The following MYPN variants were observed in gnomAD, a reference collection of about 807,000 sequenced individuals.
MYPN encodes the protein sarcomeric protein myopalladin, 145 kDa (MYOP).
In MYPN, 63 loss-of-function variants were observed where a neutral mutation model predicts 129.4. The ratio of observed to expected loss-of-function variants is 0.49; its 90% CI spans 0.40 to 0.60. The LOEUF is 0.60. Among genes scored for constraint, MYPN ranks in the 20% least tolerant of loss-of-function variants. The pLI is 0.00. For synonymous variants in MYPN, 629 were observed against 600.9 expected, an observed-to-expected ratio of 1.05 and a Z score of -0.68; for missense variants, 1,596 against 1,635.4, an observed-to-expected ratio of 0.98 and a Z score of 0.42.
chr10:68,099,540 T>C (rs2041972391), intron 1 of MYPN, among the ~76,000 whole-genome samples: 1 of 151,840 alleles, frequency 6.6e-6, no homozygotes, highest in Non-Finnish European at 1.5e-5. Context: ...CTCAGGAGGC[T>C]AAGACATGAG....
chr10:68,180,631 G>T (rs2043300063), intron 12 of MYPN, among the ~76,000 whole-genome samples: 1 of 152,218 alleles, frequency 6.6e-6, no homozygotes, highest in East Asian at 1.9e-4. Flanking sequence ...CTTTGAGCAG[G>T]TCTTCTAGCT....
chr10:68,171,155 A>AAAAG (rs901675458), intron 10 of MYPN, among the ~76,000 whole-genome samples: 12 of 151,514 alleles, frequency 7.9e-5, no homozygotes, highest in African/African-American at 2.9e-4. Context: ...TCAAAAAAAA[A>AAAAG]AAAGAAAGAA....
chr10:68,165,176 G>A (rs2134163695), intron 8 of MYPN, among the ~76,000 whole-genome samples: 1 of 151,842 alleles, frequency 6.6e-6, no homozygotes, highest in East Asian at 2.0e-4. Context: ...TGTCAGGCCG[G>A]GCATGGGGGC....
intron 16 of MYPN, among the ~76,000 whole-genome samples, chr10:68,197,744 C>G (rs934096206): frequency 1.3e-5 from 2 of 151,934 alleles, no homozygotes; most frequent in African/African-American, 4.8e-5. Flanking sequence ...AGAAGACAAC[C>G]AAAGAGGTGA....
At chr10:68,088,884 C>T (rs2041918395) in intron 1 of MYPN, among the ~76,000 whole-genome samples, 1 of 152,176 alleles carries the variant, frequency 6.6e-6, no homozygotes, top group Admixed American at 6.5e-5. Context: ...CCCCTCATAT[C>T]CAATAGCAGT....
At chr10:68,122,404 T>C in intron 2 of MYPN, 64 bp downstream of exon 2, 1 of 1,547,484 alleles carries the variant, frequency 6.5e-7, no homozygotes, top group Non-Finnish European at 8.9e-7. Context: ...CCCTCCCAAG[T>C]ATTATCATTT....
chr10:68,123,896 A>G (rs2042288808), intron 2 of MYPN, among the ~76,000 whole-genome samples: 1 of 152,086 alleles, frequency 6.6e-6, no homozygotes. Flanking sequence ...AAAGAAACCC[A>G]AATAATAGCA....
chr10:68,169,207 A>AAAAAAAAT (rs1375198075), intron 10 of MYPN, among the ~76,000 whole-genome samples: 2 of 104,268 alleles, frequency 1.9e-5, no homozygotes, highest in African/African-American at 5.9e-5. Context: ...AAAAAAAAAA[A>AAAAAAAAT]ATTAGCCAGG....
chr10:68,175,367 C>T lies in MYPN; in HGVS notation c.2609C>T (p.Pro870Leu). The T allele has an allele frequency of 6.2e-7, 1 of 1,614,022 alleles. No individual in the cohort carries two copies. Among genetic ancestry groups the T allele is most frequent in the South Asian group, 1.1e-5 (1 of 91,076 alleles). ...LAKKNTKSPQ[P>L]VNDDNIRETK... ...AAGAAAAATACAAAGTCTCCTCAAC[C>T]AGTGAATGATGATAACATTCGTGAA... The change falls in exon 12 of 20, where the codon CCA becomes CTA. Residue 870 changes from proline to leucine, a missense_variant. Physicochemically the swap from Pro to Leu is moderately conservative, Grantham distance 98. Coordinates refer to ENST00000358913, the MANE Select transcript of MYPN (RefSeq NM_032578.4).
chr10:68,191,695 A>G (rs913058935), intron 13 of MYPN, among the ~76,000 whole-genome samples: 1 of 152,092 alleles, frequency 6.6e-6, no homozygotes, highest in African/African-American at 2.4e-5. Flanking sequence ...AGTGTTTTAT[A>G]GTTTTCCTTG....
intron 2 of MYPN, among the ~76,000 whole-genome samples, chr10:68,132,064 G>T (rs1328154230): frequency 1.3e-5 from 2 of 152,090 alleles, no homozygotes; most frequent in Admixed American, 6.6e-5. Flanking sequence ...GGACAGAAGT[G>T]TCTTTTTCTG....
At chr10:68,161,580 G>T in intron 7 of MYPN, 149 bp from the exon 8 acceptor site, 1 of 621,356 alleles carries the variant, frequency 1.6e-6, no homozygotes, top group Non-Finnish European at 2.8e-6. Flanking sequence ...TGTCCCTGTT[G>T]AGATCATCTT....
intron 18 of MYPN, among the ~76,000 whole-genome samples, chr10:68,205,011 A>C (rs2043789849): frequency 6.6e-6 from 1 of 151,734 alleles, no homozygotes; most frequent in African/African-American, 2.4e-5. Context: ...GTGAGTTTCC[A>C]CTCGACCTTT....
At chr10:68,153,015 T>G (rs1253135325) in intron 6 of MYPN, among the ~76,000 whole-genome samples, 1 of 150,994 alleles carries the variant, frequency 6.6e-6, no homozygotes, top group Non-Finnish European at 1.5e-5. Flanking sequence ...AGACAGAGTC[T>G]CCCTCTGTCA....
chr10:68,134,272 C>T (rs1001697167), intron 2 of MYPN, among the ~76,000 whole-genome samples: 3 of 151,998 alleles, frequency 2.0e-5, no homozygotes, highest in Non-Finnish European at 2.9e-5. Context: ...TGCCATATTA[C>T]ATTCTAGATG....
At chr10:68,156,415 T>A (rs192253445) in intron 6 of MYPN, among the ~76,000 whole-genome samples, 68 of 152,352 alleles carry the variant, frequency 4.5e-4, no homozygotes, top group African/African-American at 1.5e-3. Context: ...CGTTAGTAGA[T>A]GTTTCGGGAA....
chr10:68,166,648 T>C lies in MYPN; in HGVS notation c.1955T>C (p.Val652Ala). 6.2e-7 allele frequency: 1 copy of C among 1,613,938 alleles called. No homozygotes were observed. The highest frequency in any genetic ancestry group is 2.2e-5 in the East Asian group (1 of 44,856). ...TCCCCCGTGAAAGAGCCCCCTCCAG[T>C]TCTGGCCAAACCCAAACTGTAAGTA... is the stretch of plus-strand genomic sequence containing the variant. ...PSSPVKEPPP[V>A]LAKPKLDSTQ... The change falls in exon 10 of 20, where the codon GTT (valine) becomes GCT (alanine). Residue 652 changes from valine (V) to alanine (A), a missense_variant. Physicochemically the swap from Val to Ala is moderately conservative, Grantham distance 64. Transcript: ENST00000358913.
intron 17 of MYPN, among the ~76,000 whole-genome samples, chr10:68,200,612 G>A (rs2043693347): frequency 6.6e-6 from 1 of 152,208 alleles, no homozygotes; most frequent in Non-Finnish European, 1.5e-5. Flanking sequence ...ACAAAAATTA[G>A]CCAGGTGTGG....
At chr10:68,178,058 G>A (rs2043255303) in intron 12 of MYPN, among the ~76,000 whole-genome samples, 1 of 152,136 alleles carries the variant, frequency 6.6e-6, no homozygotes, top group African/African-American at 2.4e-5. Context: ...TTTAAAATGT[G>A]TTTTCTTTGA....
Sources: gnomAD v4.1 joint callset for allele counts (sites outside exome capture counted in the v4.1 genomes callset) on GRCh38, gnomAD v4.1.1 for gene constraint, MANE v1.5 for transcripts, NCBI Gene and HGNC (gene_info 2026-07-23, HGNC 2026-07-21) for gene names.